Variants in ANKRD44 observed in about 807,000 individuals in gnomAD.
ANKRD44 encodes the protein ankyrin repeat domain 44.
A neutral mutation model predicts 116.0 loss-of-function variants in ANKRD44; 35 were observed. The observed-to-expected ratio is 0.30, with a 90% CI of 0.23 to 0.40. The LOEUF (loss-of-function observed/expected upper bound fraction) is 0.40, where lower values mean the gene tolerates loss of function less well. Among genes scored for constraint, ANKRD44 ranks in the 10% least tolerant of loss-of-function variants. The pLI is 1.00. For missense variants in ANKRD44, 1,014 were observed against 1,242.6 expected, an observed-to-expected ratio of 0.82 and a Z score of 2.77; for synonymous variants, 435 against 461.8, an observed-to-expected ratio of 0.94 and a Z score of 0.74.
intron 1 of ANKRD44, among the ~76,000 whole-genome samples, chr2:197,192,062 C>A (rs10180332): frequency 1.3e-5 from 2 of 152,050 alleles, no homozygotes; most frequent in African/African-American, 4.8e-5. Context: ...AGTATCCACT[C>A]CATCCGGCTA....
rs537927085 is a variant in ANKRD44 at position 197,112,248 on chromosome 2, G to A, written c.907-1404C>T. 3.3e-5 allele frequency among the ~76,000 whole-genome samples: 5 copies of A among 152,166 alleles called. No homozygotes were observed. The East Asian group carries it at 7.7e-4, about 23-fold the overall frequency. On this transcript the variant is annotated intron_variant, in intron 8 of 27. Transcript: ENST00000282272. ...TTCTCTAAGTCTGAGATTAAAATACGAGGTTTTAAAAATGCATGTTCATTT... is the reference window on the plus strand; with the variant it reads ...TTCTCTAAGTCTGAGATTAAAATACAAGGTTTTAAAAATGCATGTTCATTT...
chr2:197,251,768 C>T lies in ANKRD44; in HGVS notation c.27+58810G>A, dbSNP rs533265084. 2.6e-5 allele frequency among the ~76,000 whole-genome samples: 4 copies of T among 152,282 alleles called. No homozygotes were observed. In the East Asian group the frequency reaches 7.7e-4, roughly 29 times the overall value. On this transcript the variant is annotated intron_variant, in intron 1 of 27. Transcript: ENST00000282272. ...CTGAATGCAGACTGAATGACTGGTT[C>T]GTCTAGACTTACACTTGGGCGGACC...
intron 1 of ANKRD44, among the ~76,000 whole-genome samples, chr2:197,219,873 G>T (rs1218586574): frequency 1.3e-5 from 2 of 152,174 alleles, no homozygotes; most frequent in Admixed American, 1.3e-4. Context: ...ATCTCCAAAG[G>T]CAGGGAGAGG....
intron 1 of ANKRD44, among the ~76,000 whole-genome samples, chr2:197,219,537 T>C (rs1028967356): frequency 6.6e-6 from 1 of 152,216 alleles, no homozygotes; most frequent in African/African-American, 2.4e-5. Flanking sequence ...AATTCCTGAC[T>C]AATAAATGCA....
intron 17 of ANKRD44, among the ~76,000 whole-genome samples, chr2:197,016,974 A>G (rs1207663943): frequency 6.6e-6 from 1 of 152,196 alleles, no homozygotes; most frequent in Non-Finnish European, 1.5e-5. Flanking sequence ...CTCACAGAAA[A>G]AGAAATAAAA....
At chr2:197,132,107 A>G (rs907378561) in intron 4 of ANKRD44, among the ~76,000 whole-genome samples, 1 of 151,446 alleles carries the variant, frequency 6.6e-6, no homozygotes, top group Non-Finnish European at 1.5e-5. Context: ...GAGTACACAG[A>G]AAAAAAAAGG....
Position 197,003,304 on chromosome 2 carries a change from C to A in ANKRD44, c.2348-1464G>T, listed in dbSNP as rs150155113. ...GGGTGACAGAGTAAGACTCCATACA[C>A]CCCTAGAAAAAAAAAAGCCAGCAGC... On this transcript the variant is annotated intron_variant, in intron 21 of 27. Transcript: ENST00000282272. 1.5e-3 allele frequency among the ~76,000 whole-genome samples: 225 copies of A among 151,822 alleles called. 1 individual carries two copies. Among genetic ancestry groups the A allele is most frequent in the African/African-American group, 5.0e-3 (208 of 41,402 alleles).
At chr2:197,043,194 G>C in intron 16 of ANKRD44, among the ~76,000 whole-genome samples, 1 of 152,184 alleles carries the variant, frequency 6.6e-6, no homozygotes, top group East Asian at 1.9e-4. Flanking sequence ...AGTTTTTGTA[G>C]TACCTGGACT....
rs370230252 is a variant in ANKRD44 at position 197,020,100 on chromosome 2, G to A, written c.1722+5096C>T. 1.1e-4 allele frequency among the ~76,000 whole-genome samples: 16 copies of A among 152,292 alleles called. No homozygotes were observed. The East Asian group carries it at 2.9e-3, about 28-fold the overall frequency. On this transcript the variant is annotated intron_variant, in intron 17 of 27. Coordinates refer to ENST00000282272, the MANE Select transcript of ANKRD44 (RefSeq NM_001195144.2). The stretch of plus-strand genomic sequence containing the variant: ...CAAAGTGCTGAGATTACAGGCGTGA[G>A]CCACCACATCCGGCCACACAAGTGA...
intron 4 of ANKRD44, among the ~76,000 whole-genome samples, chr2:197,129,644 C>T (rs986196152): frequency 1.2e-4 from 18 of 152,098 alleles, no homozygotes; most frequent in African/African-American, 4.3e-4. Context: ...ATGCCATTTG[C>T]GAGTCAGTCA....
chr2:197,255,160 G>A (rs1201105512), intron 1 of ANKRD44, among the ~76,000 whole-genome samples: 2 of 152,160 alleles, frequency 1.3e-5, no homozygotes, highest in Admixed American at 6.5e-5. Context: ...TTGGAAAGGC[G>A]GTCTTTAGAA....
rs368156470 is a variant in ANKRD44 at position 197,102,957 on chromosome 2, T to C, written c.986-3027A>G. Among the ~76,000 whole-genome samples, 151 of 152,158 alleles carry C rather than the reference T, an allele frequency of 9.9e-4. 1 individual carries two copies. The highest frequency in any genetic ancestry group is 7.1e-3 in the South Asian group (34 of 4,820). On this transcript the variant is annotated intron_variant, in intron 9 of 27. Transcript: ENST00000282272. ...AAAAAATTTGGGGGGTGGCGGGGCG[T>C]GGTGGCTCATGCCTGTAATCCCAGC...
chr2:197,239,362 G>T (rs750015394), intron 1 of ANKRD44, among the ~76,000 whole-genome samples: 9 of 152,130 alleles, frequency 5.9e-5, no homozygotes, highest in Non-Finnish European at 8.8e-5. Flanking sequence ...CTTCCAAGTA[G>T]CTGGGACTAC....
chr2:197,305,109 AT>A (rs1305654526), intron 1 of ANKRD44, among the ~76,000 whole-genome samples: 1 of 152,240 alleles, frequency 6.6e-6, no homozygotes, highest in East Asian at 1.9e-4. Flanking sequence ...TAAAAATGAT[AT>A]AGTCATCCTA....
intron 16 of ANKRD44, among the ~76,000 whole-genome samples, chr2:197,060,510 G>A (rs559542152): frequency 1.1e-3 from 175 of 152,202 alleles, no homozygotes; most frequent in African/African-American, 3.9e-3. Flanking sequence ...CCTAATATCC[G>A]TCACCTCAGA....
chr2:197,101,247 T>G (rs2078286268), intron 9 of ANKRD44, among the ~76,000 whole-genome samples: 2 of 152,154 alleles, frequency 1.3e-5, no homozygotes, highest in Admixed American at 6.5e-5. Flanking sequence ...TTTTTTAAGT[T>G]TCTCATGTCG....
In ANKRD44 at chr2:197,125,917, G is replaced by T; in HGVS notation, c.382C>A (p.Pro128Thr). Residue 128 changes from proline to threonine, a missense_variant, in exon 5 of 28, where the codon CCC (proline) becomes ACC (threonine). Transcript: ENST00000282272. ...GAGACATTGACACTGCTCAGCAGGG[G>T]AATGATCACTTCTGCACATTTGACA... ...KAVKCAEVII[P>T]LLSSVNVSDR... The T allele has an allele frequency of 1.2e-6, 2 of 1,614,210 alleles. No individual in the cohort carries two copies. The highest frequency in any genetic ancestry group is 1.1e-5 in the South Asian group (1 of 91,086).
At chr2:197,130,461 T>C (rs928796857) in intron 4 of ANKRD44, among the ~76,000 whole-genome samples, 4 of 152,202 alleles carry the variant, frequency 2.6e-5, no homozygotes, top group Non-Finnish European at 5.9e-5. Context: ...GTAGACGACA[T>C]GTATCAGAAT....
chr2:196,990,404 A>C, intron 27 of ANKRD44: 1 of 1,091,394 alleles, frequency 9.2e-7, no homozygotes, highest in East Asian at 5.7e-5. Flanking sequence ...AAGAACAGGA[A>C]TTAAATACAT....
Sources: gnomAD v4.1 joint callset for allele counts (sites outside exome capture counted in the v4.1 genomes callset) on GRCh38, gnomAD v4.1.1 for gene constraint, MANE v1.5 for transcripts, NCBI Gene and HGNC (gene_info 2026-07-23, HGNC 2026-07-21) for gene names.